CPNE5: variants seen among roughly 807,000 people sequenced by gnomAD.
The protein encoded by CPNE5 is copine 5.
Under a neutral mutation model 81.1 loss-of-function variants are expected in CPNE5, and 42 were observed. The ratio of observed to expected loss-of-function variants is 0.52; its 90% confidence interval spans 0.40 to 0.67. The LOEUF (loss-of-function observed/expected upper bound fraction) is 0.67. Among genes scored for constraint, CPNE5 ranks in the 30% least tolerant of loss-of-function variants. The pLI is 0.00. For missense variants in CPNE5, 612 were observed against 815.5 expected (o/e 0.75, Z 3.04); for synonymous variants, 313 against 321.5 (o/e 0.97, Z 0.28).
chr6:36,836,338 G>A (rs1323840308), intron 1 of CPNE5, among the ~76,000 whole-genome samples: 1 of 152,198 alleles, frequency 6.6e-6, no homozygotes, highest in Non-Finnish European at 1.5e-5. Flanking sequence ...GGCACAGCAG[G>A]TGCAGGATCC....
chr6:36,783,378 T>TAAAAAAAA (rs36056853), intron 8 of CPNE5, among the ~76,000 whole-genome samples: 8 of 118,474 alleles, frequency 6.8e-5, no homozygotes, highest in African/African-American at 1.6e-4. Flanking sequence ...GCAGTAAAAG[T>TAAAAAAAA]AAAAAAAAAA....
intron 20 of CPNE5, 67 bp from the exon 21 acceptor site, chr6:36,742,553 C>A: frequency 1.3e-6 from 2 of 1,560,270 alleles, no homozygotes; most frequent in Non-Finnish European, 1.7e-6. Flanking sequence ...AATCTCCAGG[C>A]CTGGGGTTGC....
intron 1 of CPNE5, among the ~76,000 whole-genome samples, chr6:36,827,039 C>T (rs916924274): frequency 1.3e-5 from 2 of 152,170 alleles, no homozygotes; most frequent in African/African-American, 4.8e-5. Flanking sequence ...GATGCTCAGG[C>T]ACACTTGGTG....
At chr6:36,790,906 A>G (rs1769036640) in intron 8 of CPNE5, among the ~76,000 whole-genome samples, 2 of 152,242 alleles carry the variant, frequency 1.3e-5, no homozygotes, top group South Asian at 4.1e-4. Context: ...TTTTAAAGGA[A>G]TTAAATTATT....
chr6:36,800,154 C>T, intron 3 of CPNE5, 84 bp from the exon 4 acceptor site: 1 of 861,974 alleles, frequency 1.2e-6, no homozygotes, highest in Non-Finnish European at 1.8e-6. Context: ...GGGCTCAGAG[C>T]CCCTTAGTCC....
At position 36,764,640 on chromosome 6, in the gene CPNE5, T is replaced by G. The variant is rs1206905350; in HGVS notation, c.779+695A>C. On this transcript the variant is annotated intron_variant, in intron 11 of 20. Coordinates refer to ENST00000244751, the MANE Select transcript of CPNE5 (RefSeq NM_020939.2). ...TGAAGCTTCGAGAGGCCTGCTCTTG[T>G]CCTCCTCTATGGATTCCCAGAAGTA... Among the ~76,000 whole-genome samples the G allele has an allele frequency of 2.6e-5, 4 of 152,074 alleles. 1 individual carries two copies.
At chr6:36,751,577 G>A (rs1764829133) in intron 14 of CPNE5, among the ~76,000 whole-genome samples, 1 of 152,176 alleles carries the variant, frequency 6.6e-6, no homozygotes, top group South Asian at 2.1e-4. Flanking sequence ...ATCACCTGAG[G>A]TCAGGAGTTC....
At chr6:36,749,661 T>TTAA (rs1764582602) in intron 14 of CPNE5, among the ~76,000 whole-genome samples, 1 of 139,434 alleles carries the variant, frequency 7.2e-6, no homozygotes, top group Non-Finnish European at 1.6e-5. Flanking sequence ...ACCTCAAAAA[T>TTAA]AAAAAAAAAA....
At position 36,833,696 on chromosome 6, in the gene CPNE5, G is replaced by A. The variant is rs147015304; in HGVS notation, c.95+5587C>T. Among the ~76,000 whole-genome samples, 109 of 152,264 alleles carry A rather than the reference G, an allele frequency of 7.2e-4. 2 individuals are homozygous for A. In the East Asian group the frequency reaches 0.019, roughly 26 times the overall value. On this transcript the variant is annotated intron_variant, in intron 1 of 20. Coordinates refer to ENST00000244751, the MANE Select transcript of CPNE5 (RefSeq NM_020939.2). ...AAGAAATTGAATTCTGCCACCCACC[G>A]GTGAGCTTGGAGGAGGACTCAGAGC...
At chr6:36,806,681 G>T (rs955864081) in intron 3 of CPNE5, among the ~76,000 whole-genome samples, 10 of 152,190 alleles carry the variant, frequency 6.6e-5, no homozygotes, top group Admixed American at 1.3e-4. Flanking sequence ...TCACAAACAT[G>T]TTTACACACA....
At chr6:36,820,780 G>GA (rs1388146184) in intron 3 of CPNE5, among the ~76,000 whole-genome samples, 11 of 150,242 alleles carry the variant, frequency 7.3e-5, no homozygotes, top group Non-Finnish European at 1.0e-4. Flanking sequence ...ATCTACAAAA[G>GA]AAAAAAAAAT....
At chr6:36,799,427 A>G (rs1320477722) in intron 4 of CPNE5, among the ~76,000 whole-genome samples, 2 of 152,042 alleles carry the variant, frequency 1.3e-5, no homozygotes, top group Admixed American at 1.3e-4. Context: ...CATAAAAACA[A>G]CATCACAAAC....
intron 6 of CPNE5, among the ~76,000 whole-genome samples, chr6:36,795,989 C>T (rs1769532254): frequency 6.6e-6 from 1 of 152,154 alleles, no homozygotes; most frequent in South Asian, 2.1e-4. Context: ...CGTTCTGTCA[C>T]CCAGGCTAGA....
At chr6:36,832,290 C>T (rs1362817357) in intron 1 of CPNE5, among the ~76,000 whole-genome samples, 2 of 152,140 alleles carry the variant, frequency 1.3e-5, no homozygotes, top group East Asian at 1.9e-4. Flanking sequence ...GCAAACATTG[C>T]CCACTCTCTT....
intron 10 of CPNE5, among the ~76,000 whole-genome samples, chr6:36,768,865 A>G (rs1437440347): frequency 6.6e-6 from 1 of 152,190 alleles, no homozygotes; most frequent in African/African-American, 2.4e-5. Flanking sequence ...AGCTCTTCCA[A>G]GTACTAGGTC....
chr6:36,789,197 G>C (rs139770672), intron 8 of CPNE5, among the ~76,000 whole-genome samples: 1 of 152,232 alleles, frequency 6.6e-6, no homozygotes, highest in African/African-American at 2.4e-5. Context: ...CAGGAGGAAG[G>C]GAGGGCGCTC....
At chr6:36,809,502 G>C (rs561331672) in intron 3 of CPNE5, among the ~76,000 whole-genome samples, 1 of 152,232 alleles carries the variant, frequency 6.6e-6, no homozygotes, top group East Asian at 1.9e-4. Flanking sequence ...ATTGAGCCCA[G>C]GAGATTGAGG....
chr6:36,763,538 G>A (rs189996615), intron 11 of CPNE5, among the ~76,000 whole-genome samples: 133 of 151,536 alleles, frequency 8.8e-4, no homozygotes, highest in African/African-American at 3.0e-3. Context: ...AGGAGGTGGA[G>A]GTTGCTGTGA....
intron 3 of CPNE5, among the ~76,000 whole-genome samples, chr6:36,801,945 G>A (rs1197659129): frequency 6.6e-6 from 1 of 152,162 alleles, no homozygotes; most frequent in Non-Finnish European, 1.5e-5. Flanking sequence ...ATGCGGCTGG[G>A]CGCGGTGGCT....
Sources: allele counts gnomAD v4.1 joint callset (sites outside exome capture counted in the v4.1 genomes callset), GRCh38; gene constraint gnomAD v4.1.1; transcripts MANE v1.5; gene names NCBI Gene and HGNC (gene_info 2026-07-23, HGNC 2026-07-21).